Variants in PSD3 observed in about 807,000 individuals in gnomAD.
The protein encoded by PSD3 is PH and SEC7 domain-containing protein 3.
Under a neutral mutation model 105.5 loss-of-function variants are expected in PSD3, and 49 were observed. The ratio of observed to expected loss-of-function variants is 0.46; its 90% CI spans 0.37 to 0.59. The LOEUF (loss-of-function observed/expected upper bound fraction) is 0.59. PSD3 is among the 20% of genes least tolerant of loss of function. The pLI, the probability that PSD3 is intolerant of heterozygous loss-of-function variation, is 0.00. For synonymous variants in PSD3, 557 were observed against 457.8 expected (o/e 1.22, Z -2.77); for missense variants, 1,561 against 1,263.8 (o/e 1.24, Z -3.57).
At chr8:18,799,613 C>G (rs1266712363) in intron 7 of PSD3, among the ~76,000 whole-genome samples, 1 of 152,170 alleles carries the variant, frequency 6.6e-6, no homozygotes, top group African/African-American at 2.4e-5. Context: ...AGCCTTCAAA[C>G]AATGTCTTTT....
chr8:18,664,516 G>A (rs569918632), intron 9 of PSD3, among the ~76,000 whole-genome samples: 2 of 152,290 alleles, frequency 1.3e-5, no homozygotes, highest in Non-Finnish European at 2.9e-5. Flanking sequence ...ATGTCGGTTC[G>A]TGAGGTTTAA....
chr8:19,065,373 A>G (rs1829041594), intron 1 of PSD3, among the ~76,000 whole-genome samples: 1 of 152,154 alleles, frequency 6.6e-6, no homozygotes, highest in African/African-American at 2.4e-5. Flanking sequence ...CTCCAATTAA[A>G]TTCTGATACT....
intron 8 of PSD3, among the ~76,000 whole-genome samples, chr8:18,791,054 A>G (rs575058903): frequency 2.6e-5 from 4 of 152,304 alleles, no homozygotes; most frequent in African/African-American, 9.6e-5. Context: ...GCTACAAACC[A>G]CTGCTCAAAA....
intron 2 of PSD3, among the ~76,000 whole-genome samples, chr8:18,922,405 T>TA (rs1212503747): frequency 6.6e-6 from 1 of 152,206 alleles, no homozygotes; most frequent in East Asian, 1.9e-4. Context: ...CTGTGGAGAT[T>TA]AAAGTTCTCA....
At chr8:18,613,361 T>C (rs1805416600) in intron 11 of PSD3, among the ~76,000 whole-genome samples, 1 of 152,118 alleles carries the variant, frequency 6.6e-6, no homozygotes, top group African/African-American at 2.4e-5. Flanking sequence ...GAGCCTGGTC[T>C]CTCTCGTTTC....
intron 9 of PSD3, among the ~76,000 whole-genome samples, chr8:18,679,977 A>T (rs1367980317): frequency 6.6e-6 from 1 of 152,216 alleles, no homozygotes; most frequent in Non-Finnish European, 1.5e-5. Flanking sequence ...ATATTAATCC[A>T]CTCATGTGAC....
intron 9 of PSD3, among the ~76,000 whole-genome samples, chr8:18,656,097 G>A (rs568298362): frequency 4.3e-4 from 66 of 152,184 alleles, no homozygotes; most frequent in African/African-American, 1.4e-3. Flanking sequence ...TCACTCCATT[G>A]CCCAGGCTGG....
chr8:18,702,499 C>G (rs76620320), intron 9 of PSD3, among the ~76,000 whole-genome samples: 1,906 of 152,254 alleles, frequency 0.013, 35 homozygotes, highest in African/African-American at 0.036. Flanking sequence ...ATATACACAA[C>G]AATGTGCAAT....
intron 9 of PSD3, among the ~76,000 whole-genome samples, chr8:18,669,139 T>G (rs1307627636): frequency 6.6e-6 from 1 of 152,214 alleles, no homozygotes; most frequent in African/African-American, 2.4e-5. Context: ...ATTAGTCTAT[T>G]GTACAATGAC....
intron 15 of PSD3, among the ~76,000 whole-genome samples, chr8:18,548,422 A>C (rs542219339): frequency 9.2e-5 from 14 of 152,274 alleles, no homozygotes; most frequent in African/African-American, 3.4e-4. Flanking sequence ...GCATTAGAAG[A>C]AGCAGTTATC....
intron 8 of PSD3, among the ~76,000 whole-genome samples, chr8:18,797,582 A>G (rs1204639584): frequency 6.6e-6 from 1 of 152,206 alleles, no homozygotes; most frequent in African/African-American, 2.4e-5. Context: ...TGAGATATCT[A>G]ATAAAAAATA....
chr8:18,552,593 C>G (rs1442053880), intron 15 of PSD3, among the ~76,000 whole-genome samples: 1 of 152,162 alleles, frequency 6.6e-6, no homozygotes, highest in East Asian at 1.9e-4. Flanking sequence ...AGAACTTGAT[C>G]TGTTTCCCAA....
chr8:19,040,522 C>T (rs1046489852), intron 1 of PSD3, among the ~76,000 whole-genome samples: 1 of 152,110 alleles, frequency 6.6e-6, no homozygotes, highest in African/African-American at 2.4e-5. Context: ...TAGATTTTAA[C>T]TGTGATGAGA....
intron 1 of PSD3, among the ~76,000 whole-genome samples, chr8:18,967,166 T>A (rs573050697): frequency 9.9e-4 from 151 of 151,954 alleles, no homozygotes; most frequent in African/African-American, 3.5e-3. Flanking sequence ...ATTTATTTTT[T>A]TTTTTTGAGA....
chr8:18,658,466 T>C (rs1219406146), intron 9 of PSD3, among the ~76,000 whole-genome samples: 1 of 152,086 alleles, frequency 6.6e-6, no homozygotes, highest in Non-Finnish European at 1.5e-5. Flanking sequence ...CTAGTTAGTA[T>C]CTTCGATTTC....
At chr8:18,686,613 C>T (rs1299064616) in intron 9 of PSD3, among the ~76,000 whole-genome samples, 1 of 152,194 alleles carries the variant, frequency 6.6e-6, no homozygotes, top group African/African-American at 2.4e-5. Flanking sequence ...CCTGAAAAAG[C>T]TGTACAGACC....
Position 18,734,977 on chromosome 8 carries a change from A to T in PSD3, c.2172+30472T>A, listed in dbSNP as rs1010256760. On this transcript the variant is annotated intron_variant, in intron 9 of 15. Coordinates refer to ENST00000327040, the MANE Select transcript of PSD3 (RefSeq NM_015310.4). ...AAAGGGAAAATCAAGTCCTCACATCAAAGACTGTGCCCTTTATCCCCTTGA... is the reference window on the plus strand; with the variant it reads ...AAAGGGAAAATCAAGTCCTCACATCTAAGACTGTGCCCTTTATCCCCTTGA... Among the ~76,000 whole-genome samples the T allele has an allele frequency of 3.9e-5, 6 of 152,208 alleles. No individual in the cohort carries two copies. In the East Asian group the frequency reaches 1.2e-3, roughly 29 times the overall value.
chr8:18,686,594 C>T (rs11985844), intron 9 of PSD3, among the ~76,000 whole-genome samples: 8,880 of 152,218 alleles, frequency 0.058, 864 homozygotes, highest in African/African-American at 0.2. Flanking sequence ...GAGTATGTCT[C>T]AAGAGGTACC....
Position 18,850,202 on chromosome 8 carries a change from C to T in PSD3, c.1634+17472G>A, listed in dbSNP as rs532098858. 6.6e-5 allele frequency among the ~76,000 whole-genome samples: 10 copies of T among 152,340 alleles called. No individual in the cohort carries two copies. The East Asian group carries it at 1.9e-3, about 29-fold the overall frequency. On this transcript the variant is annotated intron_variant, in intron 4 of 15. Transcript: ENST00000327040. ...ACCACAGCAATGCAAACATCTCCCA[C>T]ATAGCCTGGCAAAGGCCCCTCCCCT...
Sources: allele counts gnomAD v4.1 joint callset (sites outside exome capture counted in the v4.1 genomes callset), GRCh38; gene constraint gnomAD v4.1.1; transcripts MANE v1.5; gene names NCBI Gene and HGNC (gene_info 2026-07-23, HGNC 2026-07-21).